Variants in TTC23 observed in about 807,000 individuals in gnomAD.
TTC23 encodes tetratricopeptide repeat protein 23.
A neutral mutation model predicts 55.1 loss-of-function variants in TTC23; 58 were observed. The observed-to-expected ratio is 1.05, with a 90% CI of 0.85 to 1.31. TTC23 has a LOEUF of 1.31. TTC23 is among the 50% of genes most tolerant of loss of function. The probability of loss-of-function intolerance (pLI) is 0.00; values close to 1 mark genes in which losing one functional copy is unlikely to be tolerated. For synonymous variants in TTC23, 203 were observed against 199.9 expected (o/e 1.02, Z -0.13); for missense variants, 516 against 534.4 (o/e 0.97, Z 0.34).
intron 10 of TTC23, among the ~76,000 whole-genome samples, chr15:99,165,219 T>C (rs971806129): frequency 5.3e-5 from 8 of 152,056 alleles, no homozygotes; most frequent in East Asian, 3.9e-4. Flanking sequence ...GAAATGGACA[T>C]TGAGAGGACA....
chr15:99,200,082 T>G lies in TTC23; in HGVS notation c.596A>C (p.Gln199Pro), dbSNP rs762506419. The stretch of plus-strand genomic sequence containing the variant: ...GGACAAAGCTTCTTTTGACTTCTTC[T>G]GACCTTGATACACCCTAAAAAAATC... ...RLSFAQVYQG[Q>P]KKSKEALSHY... Residue 199 changes from glutamine to proline, a missense_variant, in exon 9 of 14, where the codon CAG becomes CCG. By Grantham distance (76) the Gln-to-Pro change is moderately conservative. Coordinates refer to ENST00000394132, the MANE Select transcript of TTC23 (RefSeq NM_001288615.3). 3 of 1,606,192 alleles carry G rather than the reference T, an allele frequency of 1.9e-6. No homozygotes were observed. The highest frequency in any genetic ancestry group is 8.5e-7 in the Non-Finnish European group (1 of 1,176,434).
chr15:99,174,003 C>T (rs2073244672), intron 10 of TTC23, among the ~76,000 whole-genome samples: 1 of 152,184 alleles, frequency 6.6e-6, no homozygotes, highest in Non-Finnish European at 1.5e-5. Context: ...CACCAACAAG[C>T]AAACCTGATG....
At chr15:99,161,029 A>G (rs2151895251) in intron 11 of TTC23, 1 of 151,882 alleles carries the variant, frequency 6.6e-6, no homozygotes, top group East Asian at 1.9e-4. Context: ...AAAAAAAAAA[A>G]AACTTAACGG....
At chr15:99,143,752 G>A (rs1555491527) in intron 12 of TTC23, among the ~76,000 whole-genome samples, 1 of 152,194 alleles carries the variant, frequency 6.6e-6, no homozygotes, top group African/African-American at 2.4e-5. Flanking sequence ...AAGACAAAAG[G>A]GAATGTCTGC....
chr15:99,176,525 T>C lies in TTC23; in HGVS notation c.760-1370A>G, dbSNP rs1452670041. On this transcript the variant is annotated intron_variant, in intron 9 of 13. Transcript: ENST00000394132. ...ACTCGGGAGGGCTAAAGCGGGTGAATTGCTTTGAGCCCGGGAGGTTGAGGC... is the reference window on the plus strand; with the variant it reads ...ACTCGGGAGGGCTAAAGCGGGTGAACTGCTTTGAGCCCGGGAGGTTGAGGC... Among the ~76,000 whole-genome samples the C allele has an allele frequency of 2.0e-5, 3 of 151,954 alleles. No homozygotes were observed. In the East Asian group the frequency reaches 5.8e-4, roughly 29 times the overall value.
chr15:99,218,920 T>C lies in TTC23; in HGVS notation c.433A>G (p.Arg145Gly), dbSNP rs1359203105. Residue 145 changes from arginine to glycine, a missense_variant, in exon 7 of 14, where the codon AGA becomes GGA. Physicochemically the swap from Arg to Gly is moderately radical, Grantham distance 125 (BLOSUM62 -2). Coordinates refer to ENST00000394132, the MANE Select transcript of TTC23 (RefSeq NM_001288615.3). ...FSIELFHTMG[R>G]ALLSLQKFKE... ...TACTTTTGAAGGGAGAGTAAAGCTCTGCCCATGGTATGGAAAAGCTCAATG... is the reference window on the plus strand; with the variant it reads ...TACTTTTGAAGGGAGAGTAAAGCTCCGCCCATGGTATGGAAAAGCTCAATG... The C allele has an allele frequency of 6.2e-7, 1 of 1,614,068 alleles. No individual in the cohort carries two copies. Among genetic ancestry groups the C allele is most frequent in the South Asian group, 1.1e-5 (1 of 91,064 alleles).
chr15:99,235,665 C>T (rs59320851), intron 3 of TTC23, among the ~76,000 whole-genome samples: 3,111 of 152,228 alleles, frequency 0.02, 93 homozygotes, highest in African/African-American at 0.071. Flanking sequence ...CCACTGTGCC[C>T]GGACCATTTT....
intron 13 of TTC23, among the ~76,000 whole-genome samples, chr15:99,138,692 C>A (rs1018646456): frequency 4.6e-5 from 7 of 152,206 alleles, no homozygotes; most frequent in African/African-American, 1.4e-4. Context: ...GTGAGCAGGA[C>A]ATGGGTGAGG....
At chr15:99,163,221 T>TC (rs1338502304) in intron 10 of TTC23, among the ~76,000 whole-genome samples, 1 of 152,110 alleles carries the variant, frequency 6.6e-6, no homozygotes, top group Non-Finnish European at 1.5e-5. Context: ...GAAAAGGAAG[T>TC]CATATTTATG....
chr15:99,183,479 G>A (rs751821924), intron 9 of TTC23, among the ~76,000 whole-genome samples: 10 of 147,220 alleles, frequency 6.8e-5, no homozygotes, highest in Non-Finnish European at 1.2e-4. Flanking sequence ...GTGCCACCAC[G>A]CCCAGCTGAT....
chr15:99,149,657 G>A (rs77796462), intron 12 of TTC23, among the ~76,000 whole-genome samples: 2,096 of 152,316 alleles, frequency 0.014, 47 homozygotes, highest in African/African-American at 0.047. Flanking sequence ...GTAAAGAGTC[G>A]GGCCTTATAT....
intron 4 of TTC23, among the ~76,000 whole-genome samples, chr15:99,232,153 A>G (rs919118078): frequency 2.0e-5 from 3 of 151,950 alleles, no homozygotes; most frequent in African/African-American, 7.2e-5. Context: ...AATTTTAAAA[A>G]TAGAAAAAAG....
At chr15:99,224,553 C>CT (rs1469198692) in intron 5 of TTC23, among the ~76,000 whole-genome samples, 3 of 152,184 alleles carry the variant, frequency 2.0e-5, no homozygotes, top group African/African-American at 7.2e-5. Flanking sequence ...GGGCATTTAG[C>CT]TGTTTGTAAA....
intron 9 of TTC23, among the ~76,000 whole-genome samples, chr15:99,185,130 C>G (rs540638419): frequency 3.3e-5 from 5 of 152,166 alleles, no homozygotes; most frequent in Admixed American, 3.3e-4. Context: ...TATTTCCTTA[C>G]AGCAATGTGA....
At chr15:99,244,563 ATATG>A (rs1472032487) in intron 2 of TTC23, among the ~76,000 whole-genome samples, 3 of 152,224 alleles carry the variant, frequency 2.0e-5, no homozygotes, top group African/African-American at 7.2e-5. Flanking sequence ...AAGAGAATAA[ATATG>A]TAGGAATAAA....
At chr15:99,226,768 T>C (rs1484012446) in intron 5 of TTC23, among the ~76,000 whole-genome samples, 8 of 152,158 alleles carry the variant, frequency 5.3e-5, no homozygotes, top group Non-Finnish European at 4.4e-5. Context: ...AGGTCTCAGC[T>C]TATCTGTCAC....
At chr15:99,212,316 C>G (rs900169284) in intron 8 of TTC23, among the ~76,000 whole-genome samples, 3 of 151,216 alleles carry the variant, frequency 2.0e-5, no homozygotes, top group African/African-American at 7.3e-5. Context: ...TGGCATATGC[C>G]TGTATATACA....
intron 8 of TTC23, among the ~76,000 whole-genome samples, chr15:99,207,593 C>T (rs1308147616): frequency 1.3e-5 from 2 of 152,078 alleles, no homozygotes; most frequent in African/African-American, 4.8e-5. Flanking sequence ...CCCGTCTCTA[C>T]TAAAAATACA....
Position 99,189,899 on chromosome 15 carries a change from A to C in TTC23, c.759+10020T>G, listed in dbSNP as rs550702548. On this transcript the variant is annotated intron_variant, in intron 9 of 13. Coordinates refer to ENST00000394132, the MANE Select transcript of TTC23 (RefSeq NM_001288615.3). ...AATGTTCAAAATTCCCTGAAAAGCC[A>C]GGAGTAGTGATTCATGCCTGTAATC... 9.5e-4 allele frequency among the ~76,000 whole-genome samples: 144 copies of C among 152,318 alleles called. 1 individual carries two copies. Among genetic ancestry groups the C allele is most frequent in the African/African-American group, 3.4e-3 (141 of 41,580 alleles).
Sources: allele counts gnomAD v4.1 joint callset (sites outside exome capture counted in the v4.1 genomes callset), GRCh38; gene constraint gnomAD v4.1.1; transcripts MANE v1.5; gene names NCBI Gene and HGNC (gene_info 2026-07-23, HGNC 2026-07-21).